Variants in AKT3 observed in about 807,000 individuals in gnomAD.
AKT3 encodes the protein AKT serine/threonine kinase 3, also known as RAC-gamma serine/threonine-protein kinase.
In AKT3, 15 loss-of-function variants were observed where a neutral mutation model predicts 65.3. The observed-to-expected ratio is 0.23, with a 90% CI of 0.15 to 0.35. The LOEUF is 0.35. Among genes scored for constraint, AKT3 ranks in the 10% least tolerant of loss-of-function variants. The pLI, the probability that AKT3 is intolerant of heterozygous loss-of-function variation, is 1.00. For synonymous variants in AKT3, 206 were observed against 183.8 expected, an observed-to-expected ratio of 1.12 and a Z score of -0.98; for missense variants, 243 against 576.5, an observed-to-expected ratio of 0.42 and a Z score of 5.92.
upstream of AKT3, among the ~76,000 whole-genome samples, chr1:243,850,518 G>A (rs1488040159): frequency 6.6e-6 from 1 of 151,448 alleles, no homozygotes; most frequent in Non-Finnish European, 1.5e-5. Flanking sequence ...CTCCCGGGCT[G>A]CGCCTCGCTG....
At chr1:243,521,404 A>G (rs1197421988) in intron 12 of AKT3, among the ~76,000 whole-genome samples, 3 of 152,220 alleles carry the variant, frequency 2.0e-5, no homozygotes, top group African/African-American at 7.2e-5. Context: ...TCTACTAAAT[A>G]CTGGCTTCAC....
chr1:243,708,012 G>T (rs780580330), intron 2 of AKT3, among the ~76,000 whole-genome samples: 1 of 152,028 alleles, frequency 6.6e-6, no homozygotes, highest in Non-Finnish European at 1.5e-5. Context: ...ATATTAAAAA[G>T]TGTGGCTTCA....
chr1:243,711,658 T>G (rs1270701824), intron 2 of AKT3, among the ~76,000 whole-genome samples: 1 of 152,218 alleles, frequency 6.6e-6, no homozygotes, highest in African/African-American at 2.4e-5. Flanking sequence ...TAACAGCTAC[T>G]ACTGAATTCA....
At chr1:243,513,100 G>A (rs1218233762) in intron 12 of AKT3, among the ~76,000 whole-genome samples, 2 of 152,060 alleles carry the variant, frequency 1.3e-5, no homozygotes, top group African/African-American at 2.4e-5. Flanking sequence ...CATCTCATTC[G>A]CACTGCACCT....
intron 3 of AKT3, among the ~76,000 whole-genome samples, chr1:243,675,782 A>G (rs910662669): frequency 3.3e-5 from 5 of 151,958 alleles, no homozygotes; most frequent in African/African-American, 9.7e-5. Context: ...CCTCCATGAC[A>G]CTGACTTGCC....
At chr1:243,622,776 G>A (rs745428578) in intron 6 of AKT3, among the ~76,000 whole-genome samples, 12 of 152,140 alleles carry the variant, frequency 7.9e-5, no homozygotes, top group Non-Finnish European at 1.5e-4. Context: ...AACCACAATC[G>A]TTGATGCAAT....
intron 2 of AKT3, among the ~76,000 whole-genome samples, chr1:243,773,339 G>T (rs976721992): frequency 6.6e-6 from 1 of 151,910 alleles, no homozygotes; most frequent in Non-Finnish European, 1.5e-5. Flanking sequence ...AGAGTAAAAT[G>T]ACTATGAAAT....
chr1:243,702,065 G>T (rs1334209789), intron 2 of AKT3, among the ~76,000 whole-genome samples: 1 of 140,960 alleles, frequency 7.1e-6, no homozygotes, highest in East Asian at 2.1e-4. Context: ...AACCTCTTTC[G>T]CAATCTTTAT....
chr1:243,839,845 A>C (rs1695131904), intron 2 of AKT3, among the ~76,000 whole-genome samples: 1 of 151,046 alleles, frequency 6.6e-6, no homozygotes, highest in Admixed American at 6.6e-5. Flanking sequence ...TGTTGATGAG[A>C]CGGAGAACAT....
At chr1:243,847,398 A>C (rs1695566136) in intron 1 of AKT3, among the ~76,000 whole-genome samples, 1 of 152,176 alleles carries the variant, frequency 6.6e-6, no homozygotes, top group African/African-American at 2.4e-5. Context: ...CCCAAGGACA[A>C]ATTCTTGAAC....
At chr1:243,731,926 G>A (rs986475576) in intron 2 of AKT3, among the ~76,000 whole-genome samples, 3 of 151,942 alleles carry the variant, frequency 2.0e-5, no homozygotes, top group African/African-American at 7.3e-5. Flanking sequence ...ACCATGTAAC[G>A]GTTTTTCCTT....
chr1:243,650,299 G>C (rs754507584), intron 4 of AKT3, among the ~76,000 whole-genome samples: 4 of 152,162 alleles, frequency 2.6e-5, no homozygotes, highest in African/African-American at 4.8e-5. Context: ...GTAGATTCTG[G>C]ATATTAGCCC....
intron 2 of AKT3, among the ~76,000 whole-genome samples, chr1:243,821,564 G>A (rs1393771249): frequency 6.6e-6 from 1 of 152,178 alleles, no homozygotes; most frequent in Non-Finnish European, 1.5e-5. Context: ...ACACACATAA[G>A]CTCAAAACAA....
At chr1:243,786,687 G>T (rs1051590324) in intron 2 of AKT3, among the ~76,000 whole-genome samples, 3 of 152,016 alleles carry the variant, frequency 2.0e-5, no homozygotes. Context: ...AGCACGGGGT[G>T]GGGGGGTGCG....
chr1:243,749,498 A>T (rs1435742999), intron 2 of AKT3, among the ~76,000 whole-genome samples: 1 of 152,136 alleles, frequency 6.6e-6, no homozygotes, highest in Non-Finnish European at 1.5e-5. Flanking sequence ...TACTTCAAAC[A>T]TTCAGAATAC....
intron 2 of AKT3, among the ~76,000 whole-genome samples, chr1:243,773,043 G>A (rs1451886389): frequency 7.9e-6 from 1 of 126,966 alleles, no homozygotes; most frequent in Non-Finnish European, 1.6e-5. Context: ...GTTGTGGGGT[G>A]GGGGGAGGGG....
intron 2 of AKT3, among the ~76,000 whole-genome samples, chr1:243,792,273 A>G (rs1183338918): frequency 7.1e-6 from 1 of 141,764 alleles, no homozygotes; most frequent in East Asian, 2.1e-4. Flanking sequence ...AATTTCTATT[A>G]ATTTATTATT....
At chr1:243,846,806 C>A (rs1300741602) in intron 1 of AKT3, among the ~76,000 whole-genome samples, 1 of 152,118 alleles carries the variant, frequency 6.6e-6, no homozygotes, top group African/African-American at 2.4e-5. Context: ...AGAAGTGTTG[C>A]AGAATTAGGA....
chr1:243,710,158 G>C (rs1016731826), intron 2 of AKT3, among the ~76,000 whole-genome samples: 1 of 152,082 alleles, frequency 6.6e-6, no homozygotes, highest in African/African-American at 2.4e-5. Context: ...ATTAAAGCTA[G>C]AAGTTTCTGA....
Sources: gnomAD v4.1 joint callset for allele counts (sites outside exome capture counted in the v4.1 genomes callset) on GRCh38, gnomAD v4.1.1 for gene constraint, MANE v1.5 for transcripts, NCBI Gene and HGNC (gene_info 2026-07-23, HGNC 2026-07-21) for gene names.